GLDC: variants seen among roughly 807,000 people sequenced by gnomAD.
The protein encoded by GLDC is glycine decarboxylase, also known as glycine dehydrogenase (decarboxylating), mitochondrial.
GLDC carries 104 observed loss-of-function variants against 121.3 expected under a neutral mutation model. The observed-to-expected ratio is 0.86, with a 90% CI of 0.73 to 1.01. GLDC has a LOEUF of 1.01. Ranked by LOEUF, GLDC falls within the 50% of genes least tolerant of loss-of-function variation. GLDC has a pLI of 0.00. For missense variants in GLDC, 1,429 were observed against 1,306.6 expected, an observed-to-expected ratio of 1.09 and a Z score of -1.44; for synonymous variants, 546 against 480.6, an observed-to-expected ratio of 1.14 and a Z score of -1.78.
intron 7 of GLDC, 40 bp downstream of exon 7, chr9:6,604,548 C>A: frequency 6.5e-7 from 1 of 1,530,788 alleles, no homozygotes; most frequent in South Asian, 1.1e-5. Context: ...TCAGGGAAAT[C>A]ATAATCACAA....
intron 2 of GLDC, among the ~76,000 whole-genome samples, chr9:6,625,264 C>A (rs757144231): frequency 3.3e-5 from 5 of 152,108 alleles, no homozygotes; most frequent in Non-Finnish European, 7.4e-5. Context: ...AAGATTTGCA[C>A]TGATTGCTCT....
chr9:6,535,837 C>G (rs570158512), intron 23 of GLDC: 1 of 561,510 alleles, frequency 1.8e-6, no homozygotes, highest in South Asian at 2.0e-5. Flanking sequence ...AATTCTCCAA[C>G]TAGACAGCTG....
chr9:6,579,673 C>G (rs1466528435), intron 15 of GLDC, among the ~76,000 whole-genome samples: 1 of 151,976 alleles, frequency 6.6e-6, no homozygotes, highest in African/African-American at 2.4e-5. Context: ...AAAATTGAAA[C>G]TCATGGTTTT....
chr9:6,643,892 G>A (rs992855817), intron 2 of GLDC, among the ~76,000 whole-genome samples: 1 of 151,378 alleles, frequency 6.6e-6, no homozygotes, highest in Non-Finnish European at 1.5e-5. Context: ...AAATGAGCCT[G>A]GTGTGGTGGT....
At chr9:6,595,214 G>A (rs1327540135) in intron 8 of GLDC, 95 bp from the exon 9 acceptor site, 10 of 848,954 alleles carry the variant, frequency 1.2e-5, no homozygotes, top group African/African-American at 6.6e-5. Flanking sequence ...TGAAGACAGC[G>A]ACAAAACAAA....
intron 20 of GLDC, 148 bp downstream of exon 20, chr9:6,553,220 C>G: frequency 1.4e-6 from 1 of 707,802 alleles, no homozygotes. Flanking sequence ...AAGGTTTCTT[C>G]CACCCAGGCC....
At chr9:6,608,689 T>C (rs1288438989) in intron 4 of GLDC, among the ~76,000 whole-genome samples, 3 of 151,958 alleles carry the variant, frequency 2.0e-5, no homozygotes, top group Admixed American at 6.6e-5. Flanking sequence ...GAGCTTGCAG[T>C]GAGCAGAGAT....
rs1347236026 is a variant in GLDC at position 6,596,446 on chromosome 9, T to TA, written c.1156-1328dup. Among the ~76,000 whole-genome samples, 3 of 152,080 alleles carry TA rather than the reference T, an allele frequency of 2.0e-5. No individual in the cohort carries two copies. The East Asian group carries it at 5.8e-4, about 29-fold the overall frequency. ...ATTTCTTTCACAAATTGAACAAACT[T>TA]AAAAATACAAAGGGCTTGAATCAGT... On this transcript the variant is annotated intron_variant, in intron 8 of 24. Transcript: ENST00000321612.
intron 2 of GLDC, among the ~76,000 whole-genome samples, chr9:6,620,849 T>C (rs769420987): frequency 1.2e-4 from 19 of 152,080 alleles, no homozygotes; most frequent in Non-Finnish European, 2.5e-4. Context: ...CACTCAACAA[T>C]AGAAAATATC....
Position 6,534,726 on chromosome 9 carries a change from CT to C in GLDC, c.2900del (p.Glu967GlyfsTer10). 6.3e-7 allele frequency: 1 copy of C among 1,599,652 alleles called. No individual in the cohort carries two copies. Among genetic ancestry groups the C allele is most frequent in the Non-Finnish European group, 8.6e-7 (1 of 1,166,932 alleles). On this transcript the variant is annotated frameshift_variant, in exon 24 of 25. Transcript: ENST00000321612. LOFTEE classifies it high-confidence loss of function. ...SSHWDRPYSR[E>X]VAAFPLPFVK... ...AACTTACGAGTGGGAATGCTGCCAC[CT>C]CTCTGGAATAAGGCCGGTCCCAGTG...
In GLDC at chr9:6,545,935, C is replaced by T. The variant is rs148475598; in HGVS notation, c.2569+4868G>A. ...GGATTATAGGCGTGAGCCACCATGC[C>T]CAGCGTACTGTAACTTTTTTACTTT... On this transcript the variant is annotated intron_variant, in intron 21 of 24. Coordinates refer to ENST00000321612, the MANE Select transcript of GLDC (RefSeq NM_000170.3). Among the ~76,000 whole-genome samples the T allele has an allele frequency of 6.0e-4, 91 of 152,286 alleles. 2 individuals are homozygous for T. In the East Asian group the frequency reaches 0.016, roughly 27 times the overall value.
Position 6,606,606 on chromosome 9 carries a change from G to T in GLDC, c.699C>A (p.Val233=), listed in dbSNP as rs372130842. The T allele has an allele frequency of 5.6e-6, 9 of 1,594,632 alleles. No homozygotes were observed. Among genetic ancestry groups the T allele is most frequent in the Non-Finnish European group, 7.7e-6 (9 of 1,162,432 alleles). The part of the protein sequence containing the change: ...PRCHPQTIAV[V]QTRAKYTGVL... ...AAATTAATTACTTGGCTCGAGTCTG[G>T]ACAACAGCTATTGTCTGTGGGTGGC... The change falls in exon 5 of 25, where the codon GTC becomes GTA. Residue 233 remains valine (V), a synonymous_variant. Coordinates refer to ENST00000321612, the MANE Select transcript of GLDC (RefSeq NM_000170.3).
At position 6,620,035 on chromosome 9, in the gene GLDC, G is replaced by C. The variant is rs528130643; in HGVS notation, c.470+149C>G. 219 of 778,652 alleles carry C rather than the reference G, an allele frequency of 2.8e-4. 1 individual carries two copies. The South Asian group carries it at 3.1e-3, about 11-fold the overall frequency. The allele number at this position is 778,652 out of a possible 1,614,324, so 48.2% of individuals were successfully genotyped here. A position where few individuals can be genotyped will look rare whatever the true frequency, so the allele number is the denominator to read the frequency against. On this transcript the variant is annotated intron_variant, in intron 3 of 24. Coordinates refer to ENST00000321612, the MANE Select transcript of GLDC (RefSeq NM_000170.3). ...TTGAGCAAGAACATTTCTCGATCCA[G>C]AGAAACCCGGTAGGTTCCCGGACAT...
intron 2 of GLDC, 74 bp downstream of exon 2, chr9:6,644,540 C>T (rs890685191): frequency 9.7e-7 from 1 of 1,029,858 alleles, no homozygotes; most frequent in African/African-American, 1.6e-5. Context: ...CCCCAGAGCT[C>T]GATTTTCAGG....
chr9:6,643,250 C>A (rs1819664264), intron 2 of GLDC, among the ~76,000 whole-genome samples: 1 of 151,798 alleles, frequency 6.6e-6, no homozygotes, highest in African/African-American at 2.4e-5. Flanking sequence ...CCGACCATCC[C>A]TAAATCTCAA....
chr9:6,641,879 C>G (rs1013615517), intron 2 of GLDC, among the ~76,000 whole-genome samples: 3 of 152,178 alleles, frequency 2.0e-5, no homozygotes, highest in Non-Finnish European at 4.4e-5. Context: ...ATCCAGAATT[C>G]CTTTCTGACT....
At chr9:6,589,586 C>A (rs1000609453) in intron 11 of GLDC, among the ~76,000 whole-genome samples, 1 of 151,932 alleles carries the variant, frequency 6.6e-6, no homozygotes. Flanking sequence ...TGCCACCACA[C>A]CTGGCTGATT....
chr9:6,545,399 G>C (rs928585078), intron 21 of GLDC, among the ~76,000 whole-genome samples: 5 of 152,072 alleles, frequency 3.3e-5, no homozygotes, highest in African/African-American at 4.8e-5. Context: ...ACATAGAAAA[G>C]ACAGAGCAAA....
At chr9:6,638,272 C>T (rs1254044746) in intron 2 of GLDC, among the ~76,000 whole-genome samples, 10 of 151,636 alleles carry the variant, frequency 6.6e-5, no homozygotes, top group Non-Finnish European at 1.0e-4. Context: ...TGCAATGGCG[C>T]GACTTAGCTC....
Sources: allele counts gnomAD v4.1 joint callset (sites outside exome capture counted in the v4.1 genomes callset), GRCh38; gene constraint gnomAD v4.1.1; transcripts MANE v1.5; gene names NCBI Gene and HGNC (gene_info 2026-07-23, HGNC 2026-07-21).